Variants in MRPS6 observed in about 807,000 individuals in gnomAD.
MRPS6 encodes the protein mitochondrial ribosomal protein S6, also known as small ribosomal subunit protein bS6m.
Under a neutral mutation model 13.1 loss-of-function variants are expected in MRPS6, and 6 were observed. The observed-to-expected ratio is 0.46, with a 90% CI of 0.25 to 0.91. The LOEUF (loss-of-function observed/expected upper bound fraction) is 0.91. Among genes scored for constraint, MRPS6 ranks in the 40% least tolerant of loss-of-function variants. The probability of loss-of-function intolerance (pLI) is 0.18; values close to 1 mark genes in which losing one functional copy is unlikely to be tolerated. For missense variants in MRPS6, 164 were observed against 155.6 expected, an observed-to-expected ratio of 1.05 and a Z score of -0.29; for synonymous variants, 61 against 56.5, an observed-to-expected ratio of 1.08 and a Z score of -0.36.
chr21:34,096,406 G>C lies in MRPS6; in HGVS notation c.45+22661G>C. The C allele has an allele frequency of 2.5e-6, 4 of 1,614,232 alleles. No individual in the cohort carries two copies. Among genetic ancestry groups the C allele is most frequent in the Non-Finnish European group, 3.4e-6 (4 of 1,180,032 alleles). ...TACAAACTTATCCGCAAGAGCGCAA[G>C]CTCCCGGGAGTTAATGATTGTGGGG... On this transcript the variant is annotated intron_variant, in intron 1 of 2. Coordinates refer to ENST00000399312, the MANE Select transcript of MRPS6 (RefSeq NM_032476.4). This position sits in a 1 kb window ranked among gnomAD's most constrained non-coding sequence, Gnocchi z 5.9.
chr21:34,105,449 C>T, intron 1 of MRPS6: 1 of 999,268 alleles, frequency 1.0e-6, no homozygotes, highest in Non-Finnish European at 1.2e-6. Context: ...AGCCAAATGT[C>T]AGCAGAGTGC....
At position 34,104,436 on chromosome 21, in the gene MRPS6, A is replaced by G. The variant is rs1483528750; in HGVS notation, c.46-20905A>G. On this transcript the variant is annotated intron_variant, in intron 1 of 2. Coordinates refer to ENST00000399312, the MANE Select transcript of MRPS6 (RefSeq NM_032476.4). ...AATGTCTTTGTCTTAAATTTTGCCC[A>G]TGTGTTAAAAGATGTAATTCTCAGA... 14 of 999,958 alleles carry G rather than the reference A, an allele frequency of 1.4e-5. No individual in the cohort carries two copies. In the South Asian group the frequency reaches 1.4e-4, roughly 10 times the overall value. 61.9% of individuals were successfully genotyped at this position (999,958 alleles called of 1,614,324 possible). A position where few individuals can be genotyped will look rare whatever the true frequency, so the allele number is the denominator to read the frequency against.
chr21:34,074,171 C>T (rs1480145058), intron 1 of MRPS6, among the ~76,000 whole-genome samples: 3 of 149,840 alleles, frequency 2.0e-5, no homozygotes, highest in Non-Finnish European at 4.5e-5. Flanking sequence ...CCGCCGCCGC[C>T]GCCTGGTCCG....
chr21:34,125,470 A>C lies in MRPS6; in HGVS notation c.175A>C (p.Asn59His). Residue 59 changes from asparagine to histidine, a missense_variant, in exon 2 of 3, where the codon AAC becomes CAC. Asn to His is a moderately conservative substitution (Grantham distance 68). Transcript: ENST00000399312. ...YRISAHSQQH[N>H]RGGYFLVDFY... The stretch of plus-strand genomic sequence containing the variant: ...GATCTCTGCCCACAGTCAGCAGCAC[A>C]ACAGAGGCGGGTAAGTTTCTTCATG... 9 of 1,613,564 alleles carry C rather than the reference A, an allele frequency of 5.6e-6. No homozygotes were observed. The highest frequency in any genetic ancestry group is 7.6e-6 in the Non-Finnish European group (9 of 1,179,778).
intron 1 of MRPS6, among the ~76,000 whole-genome samples, chr21:34,114,250 C>T (rs1602950260): frequency 1.3e-5 from 2 of 152,182 alleles, no homozygotes; most frequent in African/African-American, 4.8e-5. Flanking sequence ...GTAGTATTTA[C>T]CACAAATAGT....
At chr21:34,140,112 T>G (rs977051402) in intron 2 of MRPS6, among the ~76,000 whole-genome samples, 1 of 152,170 alleles carries the variant, frequency 6.6e-6, no homozygotes, top group Non-Finnish European at 1.5e-5. Context: ...TCTGTTTTTC[T>G]TTTTTCTGCT....
intron 1 of MRPS6, among the ~76,000 whole-genome samples, chr21:34,077,391 C>T (rs778869425): frequency 6.6e-6 from 1 of 152,178 alleles, no homozygotes; most frequent in Admixed American, 6.5e-5. Flanking sequence ...AATTACGTCT[C>T]GTGCCCTTTT....
At chr21:34,080,130 C>A (rs1057094297) in intron 1 of MRPS6, among the ~76,000 whole-genome samples, 1 of 152,120 alleles carries the variant, frequency 6.6e-6, no homozygotes, top group Non-Finnish European at 1.5e-5. Flanking sequence ...CCTGTAAATA[C>A]GCTTGTAGTG....
chr21:34,097,812 G>A (rs1294858970), intron 1 of MRPS6: 12 of 999,102 alleles, frequency 1.2e-5, no homozygotes, highest in South Asian at 4.7e-5. Flanking sequence ...TGTACAATCA[G>A]TTATGTACTG....
chr21:34,116,658 G>A (rs1979926180), intron 1 of MRPS6, among the ~76,000 whole-genome samples: 1 of 152,072 alleles, frequency 6.6e-6, no homozygotes, highest in Non-Finnish European at 1.5e-5. Flanking sequence ...TGCAGTGTAA[G>A]AGCAGCTAGT....
chr21:34,100,321 G>A (rs1253983158), intron 1 of MRPS6: 1 of 1,000,066 alleles, frequency 1.0e-6, no homozygotes, highest in East Asian at 1.1e-4. Flanking sequence ...TATTTTGTGG[G>A]ACCTCTAATT....
At chr21:34,138,717 G>C (rs1183716294) in intron 2 of MRPS6, among the ~76,000 whole-genome samples, 1 of 152,156 alleles carries the variant, frequency 6.6e-6, no homozygotes. Context: ...GGAGGAATAG[G>C]AACACTTTTA....
At position 34,100,625 on chromosome 21, in the gene MRPS6, G is replaced by A. The variant is rs79292252; in HGVS notation, c.46-24716G>A. ...GGGATGATACCTCAAGAAATTAGCT[G>A]GGACCCATCACTCTGTGAAACTTCA... On this transcript the variant is annotated intron_variant, in intron 1 of 2. Transcript: ENST00000399312. 1,559 of 1,000,202 alleles carry A rather than the reference G, an allele frequency of 1.6e-3. 16 individuals carry two copies. In the African/African-American group the frequency reaches 0.019, roughly 12 times the overall value. The allele number at this position is 1,000,202 out of a possible 1,614,324, so 62.0% of individuals were successfully genotyped here.
chr21:34,100,001 G>A (rs1173510853), intron 1 of MRPS6: 1 of 718,084 alleles, frequency 1.4e-6, no homozygotes, highest in East Asian at 1.3e-4. Flanking sequence ...ACTGTCTTAA[G>A]CTAGCAAAAT....
intron 2 of MRPS6, among the ~76,000 whole-genome samples, chr21:34,127,372 A>G (rs1980345887): frequency 1.3e-5 from 2 of 152,208 alleles, no homozygotes; most frequent in African/African-American, 4.8e-5. Flanking sequence ...TGCTCCATCA[A>G]AAAAGGAGAA....
At chr21:34,108,612 G>A (rs868432297) in intron 1 of MRPS6, among the ~76,000 whole-genome samples, 3 of 152,150 alleles carry the variant, frequency 2.0e-5, no homozygotes, top group Non-Finnish European at 4.4e-5. Flanking sequence ...CTCTTCTCCA[G>A]CAGTGAGAAA....
intron 2 of MRPS6, among the ~76,000 whole-genome samples, chr21:34,134,573 C>T (rs748422334): frequency 1.3e-5 from 2 of 152,200 alleles, no homozygotes; most frequent in Non-Finnish European, 2.9e-5. Flanking sequence ...CATATGTATA[C>T]ACTCACAGAA....
At chr21:34,079,130 C>G (rs767652108) in intron 1 of MRPS6, among the ~76,000 whole-genome samples, 1 of 152,158 alleles carries the variant, frequency 6.6e-6, no homozygotes, top group Admixed American at 6.5e-5. Flanking sequence ...CCAGATCTGA[C>G]CTGTCACCTA....
intron 1 of MRPS6, among the ~76,000 whole-genome samples, chr21:34,116,214 GTGTA>G (rs752826711): frequency 6.2e-5 from 9 of 145,464 alleles, no homozygotes; most frequent in Admixed American, 1.4e-4. Flanking sequence ...GTGTGTGTGT[GTGTA>G]TGTGTGTTTT....
Sources: gnomAD v4.1 joint callset for allele counts (sites outside exome capture counted in the v4.1 genomes callset) on GRCh38, gnomAD v4.1.1 for gene constraint, Gnocchi (gnomAD v3.1) non-coding constraint, MANE v1.5 for transcripts, NCBI Gene and HGNC (gene_info 2026-07-23, HGNC 2026-07-21) for gene names.